Variants in CNTN5 observed in about 807,000 individuals in gnomAD.
CNTN5 encodes the protein contactin-5.
A neutral mutation model predicts 129.1 loss-of-function variants in CNTN5; 77 were observed. That is an observed-to-expected ratio of 0.60 (90% CI 0.50 to 0.72). CNTN5 has a LOEUF of 0.72. Among genes scored for constraint, CNTN5 ranks in the 30% least tolerant of loss-of-function variants. CNTN5 has a pLI of 0.00. For missense variants in CNTN5, 1,478 were observed against 1,328.8 expected, an observed-to-expected ratio of 1.11 and a Z score of -1.75; for synonymous variants, 509 against 465.6, an observed-to-expected ratio of 1.09 and a Z score of -1.20.
chr11:100,314,540 G>A lies in CNTN5; in HGVS notation c.2730+6072G>A, dbSNP rs115730376. ...TGACTGTATCCCTGGAATACATAGC[G>A]TGGTGTTAACTAGTAACACCTCAAT... On this transcript the variant is annotated intron_variant, in intron 21 of 24. Transcript: ENST00000524871. 9.6e-3 allele frequency among the ~76,000 whole-genome samples: 1,465 copies of A among 152,116 alleles called. 21 individuals are homozygous for A. Among genetic ancestry groups the A allele is most frequent in the African/African-American group, 0.033 (1,353 of 41,486 alleles).
chr11:99,182,466 A>G (rs1858126905), intron 1 of CNTN5, among the ~76,000 whole-genome samples: 1 of 151,838 alleles, frequency 6.6e-6, no homozygotes. Flanking sequence ...TTTTTTTCAT[A>G]ACAATTCACT....
At chr11:99,122,057 A>G (rs1052733694) in intron 1 of CNTN5, among the ~76,000 whole-genome samples, 2 of 152,112 alleles carry the variant, frequency 1.3e-5, no homozygotes, top group African/African-American at 4.8e-5. Flanking sequence ...ACATGTATAC[A>G]TGTGCCATGT....
rs140006484 is a variant in CNTN5, at chr11:99,503,823, C to T, written c.-70-52322C>T. Among the ~76,000 whole-genome samples, 33 of 151,988 alleles carry T rather than the reference C, an allele frequency of 2.2e-4. No homozygotes were observed. The East Asian group carries it at 5.0e-3, about 23-fold the overall frequency. The stretch of plus-strand genomic sequence containing the variant: ...GGCAAGGAATTGTACCTCATTTCTC[C>T]TTTCTGTTAAACTACTTTAATGGCA... On this transcript the variant is annotated intron_variant, in intron 2 of 24. Coordinates refer to ENST00000524871, the MANE Select transcript of CNTN5 (RefSeq NM_014361.4).
At chr11:99,476,142 C>T (rs1250838258) in intron 2 of CNTN5, among the ~76,000 whole-genome samples, 2 of 151,738 alleles carry the variant, frequency 1.3e-5, no homozygotes, top group African/African-American at 4.8e-5. Flanking sequence ...GCACAATTCC[C>T]CAAATTTATT....
At chr11:99,821,883 A>G (rs1022510796) in intron 4 of CNTN5, among the ~76,000 whole-genome samples, 12 of 152,300 alleles carry the variant, frequency 7.9e-5, no homozygotes, top group African/African-American at 2.6e-4. Context: ...TCCTCTGCTA[A>G]TCTAGTTTAA....
intron 4 of CNTN5, among the ~76,000 whole-genome samples, chr11:99,826,671 T>C (rs1145405): frequency 6.6e-6 from 1 of 152,096 alleles, no homozygotes; most frequent in African/African-American, 2.4e-5. Flanking sequence ...AACACTCCTA[T>C]GTTTAAGGAA....
At chr11:99,868,149 G>A (rs918293382) in intron 6 of CNTN5, among the ~76,000 whole-genome samples, 2 of 151,988 alleles carry the variant, frequency 1.3e-5, no homozygotes, top group South Asian at 4.1e-4. Flanking sequence ...CCAGGAGGCG[G>A]AGGTTGTGAT....
chr11:100,291,054 T>C (rs1408875873), intron 18 of CNTN5, among the ~76,000 whole-genome samples: 8 of 147,716 alleles, frequency 5.4e-5, no homozygotes, highest in East Asian at 2.1e-4. Context: ...AAAACCACAA[T>C]GAGATACCAT....
chr11:100,144,106 C>G (rs1446231064), intron 13 of CNTN5, among the ~76,000 whole-genome samples: 1 of 152,062 alleles, frequency 6.6e-6, no homozygotes. Flanking sequence ...TCAAATTTTA[C>G]TAAAATTTGG....
intron 1 of CNTN5, among the ~76,000 whole-genome samples, chr11:99,101,300 G>A (rs955470354): frequency 9.7e-4 from 42 of 43,234 alleles, no homozygotes; most frequent in African/African-American, 4.2e-3. Flanking sequence ...GGGAACACAT[G>A]ATAAACCATA....
intron 24 of CNTN5, among the ~76,000 whole-genome samples, chr11:100,354,251 C>A (rs1233389821): frequency 6.6e-6 from 1 of 151,578 alleles, no homozygotes; most frequent in African/African-American, 2.4e-5. Context: ...CAATTATGAT[C>A]ATGATGCTTC....
In CNTN5 at chr11:100,157,404, T is replaced by C. The variant is rs1268700449; in HGVS notation, c.1581-33722T>C. ...AAAATCCAGAACCCAGGAATAAATA[T>C]GCTAAAATGGGCAGAATTCTATTTA... On this transcript the variant is annotated intron_variant, in intron 13 of 24. Transcript: ENST00000524871. Among the ~76,000 whole-genome samples, 4 of 151,850 alleles carry C rather than the reference T, an allele frequency of 2.6e-5. No individual in the cohort carries two copies. In the East Asian group the frequency reaches 7.8e-4, roughly 29 times the overall value.
At chr11:100,050,512 T>G (rs1055146006) in intron 9 of CNTN5, among the ~76,000 whole-genome samples, 1 of 151,930 alleles carries the variant, frequency 6.6e-6, no homozygotes, top group Non-Finnish European at 1.5e-5. Context: ...CTTTAGGAGA[T>G]ATACCTAATG....
chr11:99,032,111 G>A (rs1310214137), intron 1 of CNTN5, among the ~76,000 whole-genome samples: 1 of 151,778 alleles, frequency 6.6e-6, no homozygotes, highest in Non-Finnish European at 1.5e-5. Context: ...CTTTTTTATG[G>A]CTGCATATTA....
intron 1 of CNTN5, among the ~76,000 whole-genome samples, chr11:99,130,748 C>A (rs73539828): frequency 0.053 from 8,092 of 152,154 alleles, 412 homozygotes; most frequent in African/African-American, 0.13. Context: ...CAACTGAAAT[C>A]ATAAGAAACA....
At chr11:99,968,315 G>A (rs1226281819) in intron 8 of CNTN5, among the ~76,000 whole-genome samples, 3 of 152,138 alleles carry the variant, frequency 2.0e-5, no homozygotes, top group Non-Finnish European at 2.9e-5. Flanking sequence ...ATGTAGAAAG[G>A]CTACACATGT....
At chr11:99,421,608 A>T (rs1419276959) in intron 2 of CNTN5, among the ~76,000 whole-genome samples, 1 of 152,250 alleles carries the variant, frequency 6.6e-6, no homozygotes, top group South Asian at 2.1e-4. Context: ...TTTGAAAACA[A>T]TTTGCCATTT....
intron 4 of CNTN5, among the ~76,000 whole-genome samples, chr11:99,827,483 T>C (rs946013147): frequency 6.6e-6 from 1 of 152,220 alleles, no homozygotes; most frequent in African/African-American, 2.4e-5. Context: ...CCTGAATCCA[T>C]TATAGAATTC....
intron 1 of CNTN5, among the ~76,000 whole-genome samples, chr11:99,076,583 A>T (rs1188744510): frequency 6.6e-6 from 1 of 152,124 alleles, no homozygotes; most frequent in Admixed American, 6.6e-5. Context: ...AAAAGATAAA[A>T]AGCACTGAAG....
Sources: allele counts gnomAD v4.1 joint callset (sites outside exome capture counted in the v4.1 genomes callset), GRCh38; gene constraint gnomAD v4.1.1; transcripts MANE v1.5; gene names NCBI Gene and HGNC (gene_info 2026-07-23, HGNC 2026-07-21).